THUMPD3: variants seen among roughly 807,000 people sequenced by gnomAD.
THUMPD3 encodes tRNA (guanine(6)-N(2))-methyltransferase THUMP3.
Under a neutral mutation model 54.5 loss-of-function variants are expected in THUMPD3, and 44 were observed. That is an observed-to-expected ratio of 0.81 (90% confidence interval 0.63 to 1.04). The LOEUF (loss-of-function observed/expected upper bound fraction) is 1.04. THUMPD3 is among the 50% of genes least tolerant of loss of function. The pLI is 0.00. For synonymous variants in THUMPD3, 196 were observed against 201.4 expected (o/e 0.97, Z 0.23); for missense variants, 604 against 601.3 (o/e 1.00, Z -0.05).
chr3:9,372,605 A>G (rs976610343), intron 4 of THUMPD3, among the ~76,000 whole-genome samples: 1 of 151,908 alleles, frequency 6.6e-6, no homozygotes, highest in Non-Finnish European at 1.5e-5. Flanking sequence ...TGCATTTTTT[A>G]AACAAACCCT....
intron 3 of THUMPD3, among the ~76,000 whole-genome samples, chr3:9,368,385 CAG>C (rs938195947): frequency 8.0e-6 from 1 of 124,590 alleles, no homozygotes; most frequent in Non-Finnish European, 1.6e-5. Flanking sequence ...TTTTTTGAGA[CAG>C]AGTCTTGCTC....
chr3:9,384,444 C>CCTAT (rs774064412), intron 9 of THUMPD3, 80 bp from the exon 10 acceptor site: 424 of 1,601,448 alleles, frequency 2.6e-4, no homozygotes, highest in Non-Finnish European at 3.3e-4. Flanking sequence ...CCTGAGGTTT[C>CCTAT]CTATCTTGGC....
chr3:9,369,533 G>A (rs951769366), intron 3 of THUMPD3, among the ~76,000 whole-genome samples: 2 of 152,046 alleles, frequency 1.3e-5, no homozygotes, highest in Admixed American at 1.3e-4. Context: ...CATCATGTTG[G>A]CACTTCAAAA....
chr3:9,376,895 ATAATTATC>A (rs1355140886), intron 5 of THUMPD3, among the ~76,000 whole-genome samples: 2 of 152,200 alleles, frequency 1.3e-5, no homozygotes, highest in East Asian at 3.8e-4. Flanking sequence ...GAGAATAATG[ATAATTATC>A]TAACAGGGTC....
rs1280042720 is a variant in THUMPD3 at position 9,371,318 on chromosome 3, G to A, written c.589G>A (p.Val197Ile). ...YYENPAIKED[V>I]STLIGDDLAS... is the part of the protein sequence containing the mutation. ...TGAAAATCCAGCCATCAAAGAGGAT[G>A]TATCAACATTAATAGGTGATGATTT... Residue 197 changes from valine to isoleucine, a missense_variant, in exon 4 of 10, where the codon GTA (valine) becomes ATA (isoleucine). Val to Ile is a conservative substitution (Grantham distance 29). Transcript: ENST00000452837. 6.2e-7 allele frequency: 1 copy of A among 1,614,144 alleles called. No homozygotes were observed. The highest frequency in any genetic ancestry group is 8.5e-7 in the Non-Finnish European group (1 of 1,180,020).
At chr3:9,365,747 G>A (rs545913814) in intron 2 of THUMPD3, among the ~76,000 whole-genome samples, 34 of 151,914 alleles carry the variant, frequency 2.2e-4, no homozygotes, top group Non-Finnish European at 4.1e-4. Flanking sequence ...GCCCGCCACC[G>A]CATCTGGCTA....
chr3:9,370,389 T>C (rs981193059), intron 3 of THUMPD3, among the ~76,000 whole-genome samples: 1 of 152,250 alleles, frequency 6.6e-6, no homozygotes, highest in African/African-American at 2.4e-5. Context: ...GGGTATAAAA[T>C]TTGGAGTTAG....
At chr3:9,374,998 G>T (rs1249639386) in intron 5 of THUMPD3, among the ~76,000 whole-genome samples, 1 of 152,124 alleles carries the variant, frequency 6.6e-6, no homozygotes, top group Non-Finnish European at 1.5e-5. Context: ...GGGATTACAG[G>T]TGCCTGCCAC....
In THUMPD3 at chr3:9,371,225, A is replaced by G; in HGVS notation, c.496A>G (p.Ile166Val). Residue 166 changes from isoleucine (I) to valine (V), a missense_variant, in exon 4 of 10, where the codon ATC becomes GTC. By Grantham distance (29) the Ile-to-Val change is conservative. Coordinates refer to ENST00000452837, the MANE Select transcript of THUMPD3 (RefSeq NM_001114092.2). The part of the protein sequence containing the change: ...EKINNGQEVK[I>V]DQRNVKKEFT... ...GATTAATAATGGACAAGAAGTCAAA[A>G]TCGATCAGAGAAATGTTAAAAAAGA... 1.2e-6 allele frequency: 2 copies of G among 1,611,606 alleles called. No homozygotes were observed. The highest frequency in any genetic ancestry group is 1.3e-5 in the African/African-American group (1 of 74,846).
Position 9,384,606 on chromosome 3 carries a change from TTC to T in THUMPD3, c.1444_1445del (p.Leu482AspfsTer41). On this transcript the variant is annotated frameshift_variant, in exon 10 of 10. Transcript: ENST00000452837. LOFTEE classifies it high-confidence loss of function. ...GGTGGTCTTCGTGCTGCAGTTTACG[TTC>T]TGATACGTACACCTCAAGCTTTTGT... 1 of 1,614,264 alleles carries T rather than the reference TTC, an allele frequency of 6.2e-7. No individual in the cohort carries two copies. The highest frequency in any genetic ancestry group is 1.7e-5 in the Admixed American group (1 of 60,034).
intron 7 of THUMPD3, among the ~76,000 whole-genome samples, chr3:9,381,551 T>C (rs2032894080): frequency 6.6e-6 from 1 of 152,028 alleles, no homozygotes; most frequent in South Asian, 2.1e-4. Context: ...GTTGGAAGGC[T>C]TCAATTTTCT....
In THUMPD3 at chr3:9,384,553, A is replaced by T; in HGVS notation, c.1389A>T (p.Arg463=). 2 of 1,614,198 alleles carry T rather than the reference A, an allele frequency of 1.2e-6. No individual in the cohort carries two copies. Among genetic ancestry groups the T allele is most frequent in the Non-Finnish European group, 1.7e-6 (2 of 1,180,042 alleles). ...KALSGMRHVW[R]KVDTVWVNVG... is the part of the protein sequence containing the mutation. ...TATCTGGAATGCGACACGTATGGCG[A>T]AAGGTGGATACAGTCTGGGTGAACG... Residue 463 remains arginine (R), a synonymous_variant, in exon 10 of 10, where the codon CGA becomes CGT. Transcript: ENST00000452837.
Position 9,385,643 on chromosome 3 carries a change from A to G in THUMPD3, c.*955A>G, listed in dbSNP as rs1575092374. 1 of 152,258 alleles carries G rather than the reference A, an allele frequency of 6.6e-6. No homozygotes were observed. The highest frequency in any genetic ancestry group is 2.1e-4 in the South Asian group (1 of 4,836). 9.4% of individuals were successfully genotyped at this position (152,258 alleles called of 1,614,324 possible). A position where few individuals can be genotyped will look rare whatever the true frequency, so the allele number is the denominator to read the frequency against. On this transcript the variant is annotated 3_prime_UTR_variant, in exon 10 of 10. Coordinates refer to ENST00000452837, the MANE Select transcript of THUMPD3 (RefSeq NM_001114092.2). ...GAACTTATTTGTAAATAGCACATAC[A>G]TTGATAGATGGGGTGTGGGACCAAC...
intron 2 of THUMPD3, among the ~76,000 whole-genome samples, chr3:9,366,510 AT>A (rs2031577587): frequency 6.6e-6 from 1 of 152,172 alleles, no homozygotes; most frequent in East Asian, 1.9e-4. Context: ...CACATAAATA[AT>A]TTCCCCAGGG....
At position 9,386,575 on chromosome 3, in the gene THUMPD3, AAT is replaced by A. The variant is rs1190947996; in HGVS notation, c.*1889_*1890del. ...AGACTGATACAAATATGTAGTGGGC[AAT>A]AGTTTGCCGTCTTCTTCCCTAGTAT... On this transcript the variant is annotated 3_prime_UTR_variant, in exon 10 of 10. Transcript: ENST00000452837. 1 of 152,176 alleles carries A rather than the reference AAT, an allele frequency of 6.6e-6. No homozygotes were observed. Among genetic ancestry groups the A allele is most frequent in the Non-Finnish European group, 1.5e-5 (1 of 68,036 alleles). 9.4% of individuals were successfully genotyped at this position (152,176 alleles called of 1,614,324 possible).
rs148693443 is a variant in THUMPD3 at position 9,385,012 on chromosome 3, C to T, written c.*324C>T. 1.2e-3 allele frequency: 282 copies of T among 234,286 alleles called. 1 individual carries two copies. The highest frequency in any genetic ancestry group is 6.1e-3 in the African/African-American group (270 of 44,142). The allele number at this position is 234,286 out of a possible 1,614,324, so 14.5% of individuals were successfully genotyped here. A position where few individuals can be genotyped will look rare whatever the true frequency, so the allele number is the denominator to read the frequency against. On this transcript the variant is annotated 3_prime_UTR_variant, in exon 10 of 10. Transcript: ENST00000452837. Reference sequence around the variant, plus strand: ...AAAATTAGCCAGGTGTGGTGGCGGGCGCCTGTAATCCCAACTACTCAGGAG... The same window carrying T: ...AAAATTAGCCAGGTGTGGTGGCGGGTGCCTGTAATCCCAACTACTCAGGAG...
rs762101574 is a variant in THUMPD3 at position 9,383,218 on chromosome 3, C to G, written c.1144C>G (p.Pro382Ala). The stretch of plus-strand genomic sequence containing the variant: ...CCACAGCAAACCCTCCTGGGGCTTG[C>G]CCATAGATGCTGTTCAGTGGGATAT... ...IKEGKPSWGL[P>A]IDAVQWDICN... The change falls in exon 8 of 10, where the codon CCC becomes GCC. Residue 382 changes from proline (P) to alanine (A), a missense_variant. Coordinates refer to ENST00000452837, the MANE Select transcript of THUMPD3 (RefSeq NM_001114092.2). 1.9e-6 allele frequency: 3 copies of G among 1,613,742 alleles called. No individual in the cohort carries two copies. The highest frequency in any genetic ancestry group is 1.7e-5 in the Admixed American group (1 of 60,004).
chr3:9,377,325 T>C (rs1034308357), intron 5 of THUMPD3, among the ~76,000 whole-genome samples: 3 of 152,176 alleles, frequency 2.0e-5, no homozygotes, highest in African/African-American at 7.2e-5. Flanking sequence ...GGATTTTTTT[T>C]CCCCAAGTAA....
intron 7 of THUMPD3, among the ~76,000 whole-genome samples, chr3:9,381,934 C>T (rs552343793): frequency 3.3e-5 from 5 of 151,338 alleles, no homozygotes; most frequent in Admixed American, 2.6e-4. Flanking sequence ...CACCCGCCAC[C>T]ATGCCCGGCT....
Sources: gnomAD v4.1 joint callset for allele counts (sites outside exome capture counted in the v4.1 genomes callset) on GRCh38, gnomAD v4.1.1 for gene constraint, MANE v1.5 for transcripts, NCBI Gene and HGNC (gene_info 2026-07-23, HGNC 2026-07-21) for gene names.